The following COL18A1 variants were observed in gnomAD, a reference collection of about 807,000 sequenced individuals.
COL18A1 encodes the protein collagen alpha-1(XVIII) chain.
A neutral mutation model predicts 168.0 loss-of-function variants in COL18A1; 133 were observed. The ratio of observed to expected loss-of-function variants is 0.79; its 90% CI spans 0.69 to 0.91. The LOEUF (loss-of-function observed/expected upper bound fraction) is 0.91. Among genes scored for constraint, COL18A1 ranks in the 40% least tolerant of loss-of-function variants. COL18A1 has a pLI of 0.00. For missense variants in COL18A1, 2,126 were observed against 1,925.4 expected (o/e 1.10, Z -1.95); for synonymous variants, 949 against 809.0 (o/e 1.17, Z -2.94).
rs2035286492 is a variant in COL18A1, at chr21:45,468,230, T to G, written c.107-12T>G. ...TGCACAGCCACCTCACCAGCTGTCT[T>G]TCTTTTTGCAGAGCGCATCAGCGAG... On this transcript the variant is annotated splice_polypyrimidine_tract_variant and intron_variant, in intron 2 of 41. Coordinates refer to ENST00000651438, the MANE Select transcript of COL18A1 (RefSeq NM_001379500.1). 2 of 1,612,696 alleles carry G rather than the reference T, an allele frequency of 1.2e-6. No homozygotes were observed. Among genetic ancestry groups the G allele is most frequent in the Non-Finnish European group, 1.7e-6 (2 of 1,180,002 alleles).
In COL18A1 at chr21:45,480,819, GC is replaced by G; in HGVS notation, c.1574del (p.Pro525LeufsTer199). On this transcript the variant is annotated frameshift_variant, in exon 13 of 42. Transcript: ENST00000651438. LOFTEE classifies it high-confidence loss of function. ...CAGGACCCGCCGGCCTTCCTGGTGT[GC>G]CTGGGCGCGAGGGTCCCCCCGGGTT... The part of the protein sequence containing the change: ...VPGPAGLPGV[P>X]GREGPPGFPG... 6.2e-7 allele frequency: 1 copy of G among 1,611,894 alleles called. No individual in the cohort carries two copies. The highest frequency in any genetic ancestry group is 1.1e-5 in the South Asian group (1 of 90,998).
chr21:45,495,738 G>A (rs929238733), intron 29 of COL18A1: 25 of 398,454 alleles, frequency 6.3e-5, no homozygotes, highest in East Asian at 2.8e-4. Flanking sequence ...ACATCCACAC[G>A]TGCTCATGTG....
chr21:45,478,154 A>C (rs1055847239), intron 8 of COL18A1, 173 bp from the exon 9 acceptor site: 31 of 873,358 alleles, frequency 3.5e-5, no homozygotes, highest in Non-Finnish European at 5.6e-5. Context: ...GGAGCTGCTC[A>C]GACACAGCCC....
At chr21:45,499,640 C>A (rs1045651429) in intron 32 of COL18A1, among the ~76,000 whole-genome samples, 1 of 152,202 alleles carries the variant, frequency 6.6e-6, no homozygotes, top group Non-Finnish European at 1.5e-5. Flanking sequence ...ACAGGCTGCA[C>A]AGCATGGTGT....
chr21:45,410,016 T>A (rs945997923), intron 2 of COL18A1: 3 of 152,172 alleles, frequency 2.0e-5, no homozygotes, highest in Non-Finnish European at 2.9e-5. Flanking sequence ...GAGGAGCTTT[T>A]GATCACGGAT....
At chr21:45,495,992 A>G (rs1602557848) in intron 29 of COL18A1, 2 of 343,668 alleles carry the variant, frequency 5.8e-6, no homozygotes, top group African/African-American at 4.3e-5. Flanking sequence ...CAATACACAT[A>G]TATGCACACA....
At chr21:45,465,090 C>T (rs573809801) in intron 2 of COL18A1, among the ~76,000 whole-genome samples, 8 of 152,332 alleles carry the variant, frequency 5.3e-5, no homozygotes, top group African/African-American at 1.7e-4. Context: ...CTCTGCTCTT[C>T]GTGTTGTTCT....
chr21:45,457,633 C>G lies in COL18A1; in HGVS notation c.107-10609C>G, dbSNP rs753029017. Among the ~76,000 whole-genome samples the G allele has an allele frequency of 5.3e-5, 8 of 152,198 alleles. No individual in the cohort carries two copies. Among genetic ancestry groups the G allele is most frequent in the Non-Finnish European group, 7.4e-5 (5 of 68,026 alleles). ...GAAAGGACCCCAGCAGATCCCTCCT[C>G]TGTGTCCGGGAGTAGACGGGGCCCC... On this transcript the variant is annotated intron_variant, in intron 2 of 41. Coordinates refer to ENST00000651438, the MANE Select transcript of COL18A1 (RefSeq NM_001379500.1). This position sits in a 1 kb window ranked among gnomAD's most constrained non-coding sequence, Gnocchi z 4.6.
chr21:45,505,196 C>T lies in COL18A1; in HGVS notation c.2931C>T (p.Gly977=), dbSNP rs1399633337. 3.1e-6 allele frequency: 5 copies of T among 1,603,870 alleles called. No homozygotes were observed. The Admixed American group carries it at 5.1e-5, about 16-fold the overall frequency. Residue 977 remains glycine (G), a synonymous_variant, in exon 35 of 42, where the codon GGC becomes GGT. Transcript: ENST00000651438. ...CACCTGGACCTCAGGGACCCCCCGG[C>T]ATCGGCTACGAGGGGCGCCAGGGCC... ...PGPPGPQGPP[G]IGYEGRQGPP...
chr21:45,452,783 T>C (rs938484675), intron 2 of COL18A1, among the ~76,000 whole-genome samples: 1 of 150,330 alleles, frequency 6.7e-6, no homozygotes, highest in Non-Finnish European at 1.5e-5. Flanking sequence ...CACTGACGTG[T>C]GAGCATGCAT....
intron 8 of COL18A1, 125 bp from the exon 9 acceptor site, chr21:45,478,202 A>C: frequency 7.8e-7 from 1 of 1,274,924 alleles, no homozygotes; most frequent in Non-Finnish European, 1.1e-6. Context: ...GGGTGCGAGG[A>C]CATCGGGGGA....
chr21:45,409,701 C>T (rs1020099546), intron 2 of COL18A1, among the ~76,000 whole-genome samples: 12 of 152,372 alleles, frequency 7.9e-5, no homozygotes, highest in East Asian at 1.9e-4. Context: ...CCCTGCTCCA[C>T]GGCCAGTGGC....
intron 38 of COL18A1, 39 bp from the exon 39 acceptor site, chr21:45,509,317 G>T (rs1370240650): frequency 1.3e-6 from 2 of 1,537,312 alleles, no homozygotes; most frequent in Admixed American, 2.0e-5. Context: ...GCACCCGGAG[G>T]GTCCCCCCGC....
chr21:45,497,851 G>T, intron 32 of COL18A1, 190 bp downstream of exon 32: 1 of 727,908 alleles, frequency 1.4e-6, no homozygotes, highest in South Asian at 1.8e-5. Flanking sequence ...TGGGGGCGAG[G>T]GTGGCTGCAG....
At chr21:45,490,384 G>A (rs759087866) in intron 20 of COL18A1, 38 bp downstream of exon 20, 41 of 1,487,336 alleles carry the variant, frequency 2.8e-5, no homozygotes, top group South Asian at 9.6e-5. Context: ...CAGGGGGGGC[G>A]TGGAGCCCTG....
At chr21:45,491,470 C>T (rs62216331) in intron 22 of COL18A1, among the ~76,000 whole-genome samples, 156 bp downstream of exon 22, 525 of 27,546 alleles carry the variant, frequency 0.019, no homozygotes, top group Admixed American at 0.027. Flanking sequence ...GGGCTGCAGA[C>T]GCCCTCGGTC....
chr21:45,447,194 C>A, intron 2 of COL18A1, among the ~76,000 whole-genome samples: 1 of 150,114 alleles, frequency 6.7e-6, no homozygotes, highest in South Asian at 2.1e-4. Flanking sequence ...GAGGCCAGAT[C>A]TTATATATAT....
At chr21:45,469,871 A>G (rs1034614501) in intron 3 of COL18A1, among the ~76,000 whole-genome samples, 2 of 152,246 alleles carry the variant, frequency 1.3e-5, no homozygotes, top group East Asian at 3.8e-4. Context: ...CTCAGAGCTC[A>G]GGAGCCGCTA....
chr21:45,459,484 G>C (rs370448169), intron 2 of COL18A1, among the ~76,000 whole-genome samples: 1 of 152,336 alleles, frequency 6.6e-6, no homozygotes, highest in South Asian at 2.1e-4. Context: ...CCTCCTGCCC[G>C]GCTCCATCTC....
Sources: gnomAD v4.1 joint callset for allele counts (sites outside exome capture counted in the v4.1 genomes callset) on GRCh38, gnomAD v4.1.1 for gene constraint, Gnocchi (gnomAD v3.1) non-coding constraint, MANE v1.5 for transcripts, NCBI Gene and HGNC (gene_info 2026-07-23, HGNC 2026-07-21) for gene names.